Variants in FRY observed in about 807,000 individuals in gnomAD.
FRY encodes protein furry homolog.
A neutral mutation model predicts 348.4 loss-of-function variants in FRY; 128 were observed. The ratio of observed to expected loss-of-function variants is 0.37; its 90% CI spans 0.32 to 0.43. The LOEUF (loss-of-function observed/expected upper bound fraction) is 0.43, where lower values mean the gene tolerates loss of function less well. Among genes scored for constraint, FRY ranks in the 20% least tolerant of loss-of-function variants. FRY has a pLI of 1.00. For synonymous variants in FRY, 1,370 were observed against 1,374.7 expected (o/e 1.00, Z 0.08); for missense variants, 2,736 against 3,695.2 (o/e 0.74, Z 6.73).
In FRY at chr13:32,213,430, A is replaced by G. The variant is rs543501858; in HGVS notation, c.4682+1048A>G. ...CATACGGGCTTCCCTTCAGACTAAAAGCCCAAACCCAGCAGATCACGAATT... is the reference window on the plus strand; with the variant it reads ...CATACGGGCTTCCCTTCAGACTAAAGGCCCAAACCCAGCAGATCACGAATT... On this transcript the variant is annotated intron_variant, in intron 35 of 60. Transcript: ENST00000542859. Among the ~76,000 whole-genome samples the G allele has an allele frequency of 4.6e-5, 7 of 152,326 alleles. 1 individual carries two copies. In the South Asian group the frequency reaches 1.2e-3, roughly 27 times the overall value.
At chr13:32,205,136 G>A (rs570567151) in intron 31 of FRY, among the ~76,000 whole-genome samples, 1 of 149,828 alleles carries the variant, frequency 6.7e-6, no homozygotes, top group Non-Finnish European at 1.5e-5. Flanking sequence ...CCAAGAAGCA[G>A]AGGTTGCAGT....
At chr13:32,032,021 CTT>C (rs375968565) in intron 1 of FRY, among the ~76,000 whole-genome samples, 156 bp downstream of exon 1, 18 of 126,804 alleles carry the variant, frequency 1.4e-4, no homozygotes, top group African/African-American at 4.8e-4. Context: ...TTCTTTCTTT[CTT>C]TTTCTTTCTT....
At chr13:32,056,286 T>G (rs1245830237) in intron 1 of FRY, among the ~76,000 whole-genome samples, 1 of 152,138 alleles carries the variant, frequency 6.6e-6, no homozygotes, top group Non-Finnish European at 1.5e-5. Flanking sequence ...TCACACAGTC[T>G]GTGCCCAATA....
rs200222242 is a variant in FRY at position 32,262,330 on chromosome 13, C to A, written c.7634C>A (p.Pro2545His). Residue 2545 changes from proline to histidine, a missense_variant, in exon 53 of 61, where the codon CCC becomes CAC. Coordinates refer to ENST00000542859, the MANE Select transcript of FRY (RefSeq NM_023037.3). ...TTTAAACAGATCATGACTCTCTCCC[C>A]CTCTGAAGAGACGAATCCCATGGAG... ...EHSDLIMTLS[P>H]SEETNPMELL... 1 of 1,613,554 alleles carries A rather than the reference C, an allele frequency of 6.2e-7. No homozygotes were observed. The highest frequency in any genetic ancestry group is 1.7e-5 in the Admixed American group (1 of 60,016).
rs189877100 is a variant in FRY, at chr13:32,091,973, T to A, written c.271-9990T>A. On this transcript the variant is annotated intron_variant, in intron 2 of 60. Transcript: ENST00000542859. Reference sequence around the variant, plus strand: ...ATTAAAAGACTTTAAAATAGCATCTTAAGCAAGGTTAGTGATATATTTAAC... The same window carrying A: ...ATTAAAAGACTTTAAAATAGCATCTAAAGCAAGGTTAGTGATATATTTAAC... Among the ~76,000 whole-genome samples the A allele has an allele frequency of 5.0e-3, 766 of 152,340 alleles. 4 individuals carry two copies. The highest frequency in any genetic ancestry group is 0.014 in the Middle Eastern group (4 of 294).
At chr13:32,240,210 C>T (rs1436034493) in intron 46 of FRY, among the ~76,000 whole-genome samples, 1 of 152,270 alleles carries the variant, frequency 6.6e-6, no homozygotes, top group East Asian at 1.9e-4. Context: ...TAATATCATA[C>T]AGATCTGAGG....
Position 32,225,896 on chromosome 13 carries a change from C to T in FRY, c.5128C>T (p.Leu1710Phe). ...NSNFHSIASV[L>F]LQTREMGEAK... Reference sequence around the variant, plus strand: ...CAATTTCCATTCCATTGCTTCCGTGCTCCTGCAGACCCGAGAGATGGGTGA... The same window carrying T: ...CAATTTCCATTCCATTGCTTCCGTGTTCCTGCAGACCCGAGAGATGGGTGA... The change falls in exon 39 of 61, where the codon CTC (leucine) becomes TTC (phenylalanine). Residue 1710 changes from leucine (L) to phenylalanine (F), a missense_variant. Transcript: ENST00000542859. The T allele has an allele frequency of 6.2e-7, 1 of 1,614,126 alleles. No individual in the cohort carries two copies. The highest frequency in any genetic ancestry group is 8.5e-7 in the Non-Finnish European group (1 of 1,179,976).
intron 1 of FRY, among the ~76,000 whole-genome samples, chr13:32,055,234 A>C (rs1429411812): frequency 6.6e-6 from 1 of 152,056 alleles, no homozygotes; most frequent in Admixed American, 6.5e-5. Flanking sequence ...TTGTAGAGAC[A>C]GGGTTTTGCC....
At position 32,178,830 on chromosome 13, in the gene FRY, C is replaced by T. The variant is rs1363126746; in HGVS notation, c.2682-14C>T. ...AACTTAGTTTCACTCTTGTTTTCGA[C>T]TCCATATTTCTAGTAGCCCAATTAA... On this transcript the variant is annotated splice_polypyrimidine_tract_variant and intron_variant, in intron 21 of 60. Coordinates refer to ENST00000542859, the MANE Select transcript of FRY (RefSeq NM_023037.3). 3 of 1,583,168 alleles carry T rather than the reference C, an allele frequency of 1.9e-6. No homozygotes were observed. Among genetic ancestry groups the T allele is most frequent in the Admixed American group, 3.3e-5 (2 of 59,964 alleles).
chr13:32,039,170 A>G (rs949904273), intron 1 of FRY, among the ~76,000 whole-genome samples: 25 of 152,192 alleles, frequency 1.6e-4, no homozygotes, highest in Non-Finnish European at 2.9e-5. Context: ...AGTACAGGCA[A>G]TGGTCTGTAA....
chr13:32,191,729 C>T (rs956627118), intron 28 of FRY, among the ~76,000 whole-genome samples: 30 of 152,078 alleles, frequency 2.0e-4, no homozygotes, highest in Non-Finnish European at 3.7e-4. Context: ...TTGCTGTGTC[C>T]TCACTTGACA....
intron 3 of FRY, among the ~76,000 whole-genome samples, chr13:32,113,667 G>A (rs1367207698): frequency 6.6e-6 from 1 of 152,222 alleles, no homozygotes; most frequent in Non-Finnish European, 1.5e-5. Context: ...AAATGGGCCT[G>A]CCCTCTTTCA....
intron 53 of FRY, 103 bp from the exon 54 acceptor site, chr13:32,265,347 A>G (rs1887861345): frequency 1.3e-5 from 15 of 1,114,798 alleles, no homozygotes; most frequent in Non-Finnish European, 4.1e-6. Flanking sequence ...CATTTCTATC[A>G]CCATCAGCAT....
intron 1 of FRY, among the ~76,000 whole-genome samples, chr13:32,072,196 G>A (rs148915931): frequency 1.2e-3 from 184 of 152,280 alleles, no homozygotes; most frequent in African/African-American, 4.3e-3. Flanking sequence ...GTGAAAGGAG[G>A]AATGTATATA....
rs755176412 is a variant in FRY, at chr13:32,178,168, T to C, written c.2422-9T>C. ...GGTTTAACTTACAACCTACCTCTTA[T>C]ACCTACAGGCAACATTACCACTCAC... On this transcript the variant is annotated splice_polypyrimidine_tract_variant and intron_variant, in intron 20 of 60. Transcript: ENST00000542859. The C allele has an allele frequency of 1.9e-6, 3 of 1,614,026 alleles. No individual in the cohort carries two copies. The highest frequency in any genetic ancestry group is 1.7e-5 in the Admixed American group (1 of 60,010).
In FRY at chr13:32,186,069, C is replaced by A. The variant is rs564832980; in HGVS notation, c.3320-191C>A. Among the ~76,000 whole-genome samples, 10 of 152,246 alleles carry A rather than the reference C, an allele frequency of 6.6e-5. No individual in the cohort carries two copies. The South Asian group carries it at 2.1e-3, about 32-fold the overall frequency. On this transcript the variant is annotated intron_variant, in intron 26 of 60. Coordinates refer to ENST00000542859, the MANE Select transcript of FRY (RefSeq NM_023037.3). ...TGAGTCAAGGTGCTGCTGGCTGCAACGTGAGGACAGGAAGAGTGCACACTT... is the reference window on the plus strand; with the variant it reads ...TGAGTCAAGGTGCTGCTGGCTGCAAAGTGAGGACAGGAAGAGTGCACACTT...
chr13:32,210,760 C>A (rs1295100767), intron 33 of FRY, 106 bp from the exon 34 acceptor site: 6 of 876,402 alleles, frequency 6.8e-6, no homozygotes, highest in Non-Finnish European at 1.1e-5. Flanking sequence ...ATCACGGTGA[C>A]AGCTCCTGCA....
At chr13:32,138,276 A>G (rs548389157) in intron 11 of FRY, among the ~76,000 whole-genome samples, 1 of 152,280 alleles carries the variant, frequency 6.6e-6, no homozygotes, top group African/African-American at 2.4e-5. Context: ...ACAGATAGGA[A>G]ATAGTCACTT....
chr13:32,152,688 G>T (rs904396656), intron 14 of FRY, among the ~76,000 whole-genome samples: 1 of 152,086 alleles, frequency 6.6e-6, no homozygotes. Context: ...CAGAAGAAAA[G>T]AAGATTTTCA....
Sources: gnomAD v4.1 joint callset for allele counts (sites outside exome capture counted in the v4.1 genomes callset) on GRCh38, gnomAD v4.1.1 for gene constraint, MANE v1.5 for transcripts, NCBI Gene and HGNC (gene_info 2026-07-23, HGNC 2026-07-21) for gene names.